The following GRIN2A variants were observed in gnomAD, a reference collection of about 807,000 sequenced individuals.
The protein encoded by GRIN2A is glutamate receptor ionotropic, NMDA 2A.
A neutral mutation model predicts 113.4 loss-of-function variants in GRIN2A; 22 were observed. The observed-to-expected ratio is 0.19, with a 90% CI of 0.14 to 0.28. The LOEUF (loss-of-function observed/expected upper bound fraction) is 0.28, where lower values mean the gene tolerates loss of function less well. Among genes scored for constraint, GRIN2A ranks in the 10% least tolerant of loss-of-function variants. The pLI, the probability that GRIN2A is intolerant of heterozygous loss-of-function variation, is 1.00. For synonymous variants in GRIN2A, 827 were observed against 738.4 expected (o/e 1.12, Z -1.94); for missense variants, 1,502 against 1,887.0 (o/e 0.80, Z 3.78).
At chr16:10,130,116 G>C (rs1378647634) in intron 2 of GRIN2A, among the ~76,000 whole-genome samples, 1 of 152,208 alleles carries the variant, frequency 6.6e-6, no homozygotes, top group Non-Finnish European at 1.5e-5. Flanking sequence ...ATGGGGACAT[G>C]CTAAAGACAA....
chr16:9,859,991 C>T (rs1227139260), intron 4 of GRIN2A, among the ~76,000 whole-genome samples: 1 of 151,718 alleles, frequency 6.6e-6, no homozygotes, highest in Non-Finnish European at 1.5e-5. Context: ...TCAGAGAGGT[C>T]TATCCTATCC....
chr16:10,033,494 G>A (rs2046967332), intron 2 of GRIN2A, among the ~76,000 whole-genome samples: 1 of 152,186 alleles, frequency 6.6e-6, no homozygotes, highest in African/African-American at 2.4e-5. Flanking sequence ...AACTGAGAGT[G>A]AGGGGTTAGA....
intron 2 of GRIN2A, among the ~76,000 whole-genome samples, chr16:10,149,913 A>G (rs778352998): frequency 2.6e-5 from 4 of 152,258 alleles, no homozygotes; most frequent in Non-Finnish European, 4.4e-5. Context: ...TAATTGAACA[A>G]AGAATGATTC....
chr16:9,768,939 A>G lies in GRIN2A; in HGVS notation c.2507T>C (p.Ile836Thr), dbSNP rs749678183. The change falls in exon 12 of 13, where the codon ATC becomes ACC. Residue 836 changes from isoleucine to threonine, a missense_variant. Coordinates refer to ENST00000330684, the MANE Select transcript of GRIN2A (RefSeq NM_001134407.3). ...CTTCCAGTAGAAGAGGTGCTCCCAG[A>G]TGAAGGTGATGAGGCTAAGGGCCAT... Reference protein sequence around the residue: ...AAMALSLITFIWEHLFYWKLR... With the variant: ...AAMALSLITFTWEHLFYWKLR... 6.2e-7 allele frequency: 1 copy of G among 1,614,082 alleles called. No homozygotes were observed. The highest frequency in any genetic ancestry group is 1.3e-5 in the African/African-American group (1 of 74,944).
chr16:9,815,021 C>CAAA (rs60827287), intron 10 of GRIN2A, among the ~76,000 whole-genome samples: 1 of 76,336 alleles, frequency 1.3e-5, no homozygotes, highest in African/African-American at 3.6e-5. Flanking sequence ...AACTCCGTTT[C>CAAA]AAAAAAAAAA....
chr16:9,961,702 C>A (rs1160564111), intron 2 of GRIN2A, among the ~76,000 whole-genome samples: 1 of 152,086 alleles, frequency 6.6e-6, no homozygotes, highest in Non-Finnish European at 1.5e-5. Context: ...GCCATACTGC[C>A]CAAGGTAATT....
At chr16:10,134,562 G>T (rs1224277185) in intron 2 of GRIN2A, among the ~76,000 whole-genome samples, 1 of 152,018 alleles carries the variant, frequency 6.6e-6, no homozygotes, top group Non-Finnish European at 1.5e-5. Flanking sequence ...ACCAACAGGG[G>T]ACATGTATAC....
intron 2 of GRIN2A, among the ~76,000 whole-genome samples, chr16:10,137,253 G>A (rs1483029703): frequency 6.6e-6 from 1 of 152,200 alleles, no homozygotes; most frequent in Non-Finnish European, 1.5e-5. Flanking sequence ...ACCCTAATAA[G>A]TAGGTGGTAC....
chr16:10,121,849 T>TA (rs2048841913), intron 2 of GRIN2A, among the ~76,000 whole-genome samples: 1 of 152,224 alleles, frequency 6.6e-6, no homozygotes, highest in South Asian at 2.1e-4. Context: ...TGGCCTTGGC[T>TA]AATTTTACTT....
At chr16:10,011,164 CT>C (rs2046497403) in intron 2 of GRIN2A, among the ~76,000 whole-genome samples, 1 of 152,150 alleles carries the variant, frequency 6.6e-6, no homozygotes, top group Non-Finnish European at 1.5e-5. Context: ...ATAGTTGTGC[CT>C]GCATTTTGAA....
chr16:9,837,985 C>G (rs932296719), intron 7 of GRIN2A, among the ~76,000 whole-genome samples: 1 of 152,122 alleles, frequency 6.6e-6, no homozygotes, highest in African/African-American at 2.4e-5. Flanking sequence ...AAATCCATAG[C>G]GCTCTGAATG....
intron 11 of GRIN2A, among the ~76,000 whole-genome samples, chr16:9,782,103 A>G (rs1901973520): frequency 6.6e-6 from 1 of 152,224 alleles, no homozygotes; most frequent in African/African-American, 2.4e-5. Flanking sequence ...GGGTGATTAT[A>G]TGTACAGTCA....
chr16:9,840,910 G>A, intron 6 of GRIN2A, 26 bp downstream of exon 6: 6 of 1,611,344 alleles, frequency 3.7e-6, no homozygotes, highest in Non-Finnish European at 4.2e-6. Context: ...CTGAGTAAGA[G>A]CCTAGGGGAT....
At chr16:9,785,345 A>C in intron 11 of GRIN2A, among the ~76,000 whole-genome samples, 1 of 150,830 alleles carries the variant, frequency 6.6e-6, no homozygotes, top group Admixed American at 6.6e-5. Context: ...AAGGACAAAA[A>C]ACCAAACACC....
At chr16:10,002,597 G>A (rs973987806) in intron 2 of GRIN2A, among the ~76,000 whole-genome samples, 6 of 152,290 alleles carry the variant, frequency 3.9e-5, no homozygotes, top group East Asian at 1.9e-4. Context: ...CAGAAAGCAC[G>A]CAGGCAACAA....
At chr16:10,130,581 T>C (rs1323245956) in intron 2 of GRIN2A, among the ~76,000 whole-genome samples, 1 of 152,210 alleles carries the variant, frequency 6.6e-6, no homozygotes, top group Non-Finnish European at 1.5e-5. Flanking sequence ...GGACATTATA[T>C]AAACCTTCTG....
intron 2 of GRIN2A, among the ~76,000 whole-genome samples, chr16:10,007,674 G>A (rs375227462): frequency 1.2e-4 from 18 of 151,992 alleles, no homozygotes; most frequent in African/African-American, 3.4e-4. Context: ...CTGTGCTGTC[G>A]GGGTCCACGT....
At chr16:9,830,804 C>G (rs1460165459) in intron 8 of GRIN2A, among the ~76,000 whole-genome samples, 1 of 152,214 alleles carries the variant, frequency 6.6e-6, no homozygotes, top group African/African-American at 2.4e-5. Context: ...TTCTCTTATT[C>G]TCAATCTCTC....
At chr16:10,181,368 G>C (rs1398738771) in intron 1 of GRIN2A, among the ~76,000 whole-genome samples, 1 of 152,224 alleles carries the variant, frequency 6.6e-6, no homozygotes, top group Non-Finnish European at 1.5e-5. Flanking sequence ...GCTCCCAGAC[G>C]GACGTGGACT....
Sources: gnomAD v4.1 joint callset for allele counts (sites outside exome capture counted in the v4.1 genomes callset) on GRCh38, gnomAD v4.1.1 for gene constraint, MANE v1.5 for transcripts, NCBI Gene and HGNC (gene_info 2026-07-23, HGNC 2026-07-21) for gene names.